Variants in REV3L observed in about 807,000 individuals in gnomAD.
REV3L encodes DNA polymerase zeta catalytic subunit.
In REV3L, 69 loss-of-function variants were observed where a neutral mutation model predicts 299.4. That is an observed-to-expected ratio of 0.23 (90% CI 0.19 to 0.28). REV3L has a LOEUF of 0.28. REV3L is among the 10% of genes least tolerant of loss of function. The pLI is 1.00. For synonymous variants in REV3L, 1,238 were observed against 1,271.4 expected (o/e 0.97, Z 0.56); for missense variants, 3,128 against 3,693.8 (o/e 0.85, Z 3.97).
chr6:111,375,024 C>T lies in REV3L; in HGVS notation c.3331G>A (p.Gly1111Ser), dbSNP rs1780159090. 6.2e-7 allele frequency: 1 copy of T among 1,613,682 alleles called. No homozygotes were observed. Among genetic ancestry groups the T allele is most frequent in the Non-Finnish European group, 8.5e-7 (1 of 1,179,818 alleles). ...LNYSDVMSKLGFLSERSTSPI... is the reference protein window; with the variant it reads ...LNYSDVMSKLSFLSERSTSPI... Reference sequence around the variant, plus strand: ...CTTGTGCTTCTCTCAGAAAGAAAACCTAGTTTAGACATAACATCACTATAA... The same window carrying T: ...CTTGTGCTTCTCTCAGAAAGAAAACTTAGTTTAGACATAACATCACTATAA... Residue 1111 changes from glycine (G) to serine (S), a missense_variant, in exon 13 of 32, where the codon GGT becomes AGT. By Grantham distance (56) the Gly-to-Ser change is moderately conservative. Transcript: ENST00000368802.
intron 9 of REV3L, among the ~76,000 whole-genome samples, chr6:111,386,659 T>G (rs1034599171): frequency 1.3e-5 from 2 of 152,060 alleles, no homozygotes; most frequent in Admixed American, 6.6e-5. Context: ...ATTGATATCA[T>G]TTTACAACTT....
intron 1 of REV3L, among the ~76,000 whole-genome samples, chr6:111,464,521 T>C (rs1791183361): frequency 6.6e-6 from 1 of 152,148 alleles, no homozygotes; most frequent in African/African-American, 2.4e-5. Context: ...ATGTAAAAAG[T>C]ATATGCTGTG....
intron 1 of REV3L, among the ~76,000 whole-genome samples, chr6:111,448,918 C>A (rs1048609973): frequency 1.3e-4 from 19 of 151,938 alleles, no homozygotes; most frequent in Admixed American, 6.6e-5. Flanking sequence ...CTGCCCCGGC[C>A]TCCCAAAGTG....
intron 4 of REV3L, among the ~76,000 whole-genome samples, chr6:111,403,317 T>C (rs891440940): frequency 2.6e-5 from 4 of 152,218 alleles, no homozygotes; most frequent in East Asian, 1.9e-4. Flanking sequence ...GTGGTGATGG[T>C]TGCATAACTC....
intron 3 of REV3L, among the ~76,000 whole-genome samples, 167 bp from the exon 4 acceptor site, chr6:111,405,797 G>A (rs1017906002): frequency 5.3e-5 from 8 of 152,052 alleles, no homozygotes; most frequent in African/African-American, 9.7e-5. Flanking sequence ...TTTCAATCAA[G>A]TTTTCAAGTA....
chr6:111,402,012 A>G (rs1582855047), intron 4 of REV3L, among the ~76,000 whole-genome samples: 2 of 151,950 alleles, frequency 1.3e-5, no homozygotes, highest in African/African-American at 4.8e-5. Flanking sequence ...TACTTGGGAG[A>G]CTGAGGTGGG....
At chr6:111,341,758 G>A (rs557007102) in intron 21 of REV3L, among the ~76,000 whole-genome samples, 1 of 150,742 alleles carries the variant, frequency 6.6e-6, no homozygotes, top group African/African-American at 2.5e-5. Flanking sequence ...GCAGGAGTTG[G>A]GGGGGGTCAG....
At chr6:111,480,193 G>GA (rs768861610) in intron 1 of REV3L, among the ~76,000 whole-genome samples, 1 of 152,064 alleles carries the variant, frequency 6.6e-6, no homozygotes, top group Non-Finnish European at 1.5e-5. Flanking sequence ...TCTTATATAT[G>GA]AAAAAAGTAT....
At chr6:111,385,354 T>G (rs983937976) in intron 9 of REV3L, among the ~76,000 whole-genome samples, 2 of 152,056 alleles carry the variant, frequency 1.3e-5, no homozygotes, top group Non-Finnish European at 1.5e-5. Context: ...AAATCTCTCA[T>G]GTACCCCATA....
chr6:111,437,268 C>T (rs892027185), intron 1 of REV3L, among the ~76,000 whole-genome samples: 20 of 152,030 alleles, frequency 1.3e-4, no homozygotes, highest in African/African-American at 4.6e-4. Flanking sequence ...AATACATGTC[C>T]ACACAAATAC....
chr6:111,365,233 C>A, intron 15 of REV3L, 32 bp downstream of exon 15: 1 of 1,231,220 alleles, frequency 8.1e-7, no homozygotes, highest in South Asian at 1.5e-5. Context: ...CTGGCTCTTC[C>A]ACTGATCTTT....
intron 25 of REV3L, among the ~76,000 whole-genome samples, chr6:111,326,921 C>T (rs1011404754): frequency 6.6e-6 from 1 of 152,032 alleles, no homozygotes; most frequent in Non-Finnish European, 1.5e-5. Flanking sequence ...CTCATGATTT[C>T]ACCTAGAAGT....
chr6:111,477,518 G>A (rs1323611908), intron 1 of REV3L, among the ~76,000 whole-genome samples: 1 of 152,118 alleles, frequency 6.6e-6, no homozygotes, highest in Non-Finnish European at 1.5e-5. Context: ...TTCTCAGCAG[G>A]GGCAACGGCA....
At chr6:111,338,279 G>GTTTAT (rs1776110804) in intron 21 of REV3L, among the ~76,000 whole-genome samples, 2 of 102,722 alleles carry the variant, frequency 1.9e-5, no homozygotes, top group African/African-American at 9.0e-5. Context: ...AAACATACTG[G>GTTTAT]TTTATTTTCT....
intron 1 of REV3L, among the ~76,000 whole-genome samples, chr6:111,469,096 A>C (rs1250000309): frequency 6.6e-6 from 1 of 152,190 alleles, no homozygotes; most frequent in Non-Finnish European, 1.5e-5. Flanking sequence ...CAGGAGGTGA[A>C]GGTGGCAGTG....
At chr6:111,358,439 T>C (rs1778317694) in intron 17 of REV3L, among the ~76,000 whole-genome samples, 1 of 152,162 alleles carries the variant, frequency 6.6e-6, no homozygotes, top group Admixed American at 6.5e-5. Context: ...ATCTTTATAT[T>C]GCATTGCTTC....
At chr6:111,450,478 C>CAAAAAAAAAAAAAAAAAAAAAAA (rs869119350) in intron 1 of REV3L, among the ~76,000 whole-genome samples, 1 of 54,114 alleles carries the variant, frequency 1.8e-5, no homozygotes, top group African/African-American at 1.1e-4. Flanking sequence ...GACCCTGTCT[C>CAAAAAAAAAAAAAAAAAAAAAAA]AAAAAAAAAA....
At chr6:111,362,119 C>T (rs11751625) in intron 16 of REV3L, among the ~76,000 whole-genome samples, 5,863 of 152,150 alleles carry the variant, frequency 0.039, 215 homozygotes, top group Admixed American at 0.096. Flanking sequence ...TTCAAGTTTG[C>T]ATTTGATGGT....
intron 16 of REV3L, among the ~76,000 whole-genome samples, chr6:111,359,520 GAA>G (rs371680267): frequency 0.2 from 20,739 of 102,676 alleles, 1,580 homozygotes; most frequent in East Asian, 0.46. Flanking sequence ...AGTTTTTCCT[GAA>G]AAAAAAAAAA....
Sources: allele counts gnomAD v4.1 joint callset (sites outside exome capture counted in the v4.1 genomes callset), GRCh38; gene constraint gnomAD v4.1.1; transcripts MANE v1.5; gene names NCBI Gene and HGNC (gene_info 2026-07-23, HGNC 2026-07-21).